Variants in LYRM4 observed in about 807,000 individuals in gnomAD.
LYRM4 encodes LYR motif containing 4, also known as LYR motif-containing protein 4.
Under a neutral mutation model 11.7 loss-of-function variants are expected in LYRM4, and 9 were observed. The ratio of observed to expected loss-of-function variants is 0.77; its 90% confidence interval spans 0.46 to 1.34. The LOEUF is 1.34. Ranked by LOEUF, LYRM4 falls within the 40% of genes most tolerant of loss-of-function variation. The pLI is 0.00. For missense variants in LYRM4, 133 were observed against 112.5 expected, an observed-to-expected ratio of 1.18 and a Z score of -0.82; for synonymous variants, 42 against 40.4, an observed-to-expected ratio of 1.04 and a Z score of -0.15.
At chr6:5,182,021 T>TC (rs960924688) in intron 2 of LYRM4, among the ~76,000 whole-genome samples, 2 of 151,638 alleles carry the variant, frequency 1.3e-5, no homozygotes, top group African/African-American at 2.4e-5. Context: ...AAAAAATACC[T>TC]CCCCCCCAAT....
At chr6:5,100,953 G>T (rs1269757967), downstream of LYRM4, among the ~76,000 whole-genome samples, 1 of 152,080 alleles carries the variant, frequency 6.6e-6, no homozygotes, top group African/African-American at 2.4e-5. Flanking sequence ...CACAGACACT[G>T]CCCCGTCCTC....
At chr6:5,063,739 C>G in the LYRM4 span, among the ~76,000 whole-genome samples, 1 of 152,156 alleles carries the variant, frequency 6.6e-6, no homozygotes, top group Non-Finnish European at 1.5e-5. Context: ...AGCCATCTCC[C>G]GGGAGCAGAC....
intron 2 of LYRM4, among the ~76,000 whole-genome samples, chr6:5,140,808 A>T (rs1757365650): frequency 6.6e-6 from 1 of 152,252 alleles, no homozygotes; most frequent in Non-Finnish European, 1.5e-5. Flanking sequence ...AAAAGAGGTA[A>T]CACGAACTGA....
At chr6:5,255,267 G>A (rs188251672) in intron 1 of LYRM4, among the ~76,000 whole-genome samples, 1 of 152,152 alleles carries the variant, frequency 6.6e-6, no homozygotes, top group African/African-American at 2.4e-5. Flanking sequence ...ATTCTCTCAT[G>A]AGTATACAGG....
chr6:5,251,853 AGGGCTGCCT>A (rs550469700), intron 1 of LYRM4, among the ~76,000 whole-genome samples: 152 of 152,336 alleles, frequency 1.0e-3, no homozygotes, highest in South Asian at 1.7e-3. Flanking sequence ...GATGAGTGAG[AGGGCTGCCT>A]GGTTCCCACT....
In LYRM4 at chr6:5,109,665, G is replaced by A. The variant is rs763642255; in HGVS notation, c.208-174C>T. 3.3e-5 allele frequency among the ~76,000 whole-genome samples: 5 copies of A among 152,098 alleles called. No individual in the cohort carries two copies. In the South Asian group the frequency reaches 6.2e-4, roughly 19 times the overall value. On this transcript the variant is annotated intron_variant, in intron 2 of 2. Transcript: ENST00000330636. ...GCCACTAGAGCACCATCCAACCCCC[G>A]TTTCCCTCACTGTGAGAAGTTACAG...
chr6:5,215,114 A>G (rs578218489), intron 2 of LYRM4, among the ~76,000 whole-genome samples: 2 of 151,666 alleles, frequency 1.3e-5, no homozygotes, highest in South Asian at 4.2e-4. Context: ...ATAGCGGGAG[A>G]AATGATGGCA....
chr6:5,259,956 G>T (rs1192957527), intron 1 of LYRM4, among the ~76,000 whole-genome samples: 1 of 152,168 alleles, frequency 6.6e-6, no homozygotes, highest in Non-Finnish European at 1.5e-5. Context: ...GCAAATAGGG[G>T]AGTGGGGAGG....
chr6:5,039,908 A>T, the LYRM4 span, among the ~76,000 whole-genome samples: 6 of 152,368 alleles, frequency 3.9e-5, no homozygotes, highest in East Asian at 1.2e-3. Flanking sequence ...AATAGAAAAT[A>T]GACCAATAGA....
chr6:5,089,813 G>A, the LYRM4 span, among the ~76,000 whole-genome samples: 1 of 152,144 alleles, frequency 6.6e-6, no homozygotes, highest in Non-Finnish European at 1.5e-5. Flanking sequence ...CCTTTCCAAA[G>A]CATTAGCACT....
At chr6:5,060,540 C>T in the LYRM4 span, among the ~76,000 whole-genome samples, 1 of 151,308 alleles carries the variant, frequency 6.6e-6, no homozygotes, top group Non-Finnish European at 1.5e-5. Context: ...CACTGTGTCA[C>T]CCAGGTTGGA....
intron 2 of LYRM4, among the ~76,000 whole-genome samples, chr6:5,191,915 G>A (rs1760777083): frequency 1.3e-5 from 2 of 152,100 alleles, no homozygotes; most frequent in African/African-American, 4.8e-5. Context: ...TGCCAAAAGT[G>A]CTTATTATGA....
intron 1 of LYRM4, among the ~76,000 whole-genome samples, chr6:5,248,933 GCAT>G (rs1244301949): frequency 6.6e-6 from 1 of 152,226 alleles, no homozygotes; most frequent in Non-Finnish European, 1.5e-5. Flanking sequence ...CATCAAACAA[GCAT>G]CATATCAAAG....
At chr6:5,106,141 C>T (rs958593213), downstream of LYRM4, 5 of 152,292 alleles carry the variant, frequency 3.3e-5, no homozygotes, top group Admixed American at 6.5e-5. Context: ...ACTCATATTT[C>T]CCTCTTTGTA....
chr6:5,105,087 A>G (rs1762622595), downstream of LYRM4: 1 of 152,212 alleles, frequency 6.6e-6, no homozygotes, highest in African/African-American at 2.4e-5. Context: ...ACATTAATAC[A>G]TTAATACAGA....
At chr6:5,181,655 C>T (rs574318533) in intron 2 of LYRM4, among the ~76,000 whole-genome samples, 1 of 152,232 alleles carries the variant, frequency 6.6e-6, no homozygotes, top group African/African-American at 2.4e-5. Flanking sequence ...CCATTCTTTC[C>T]CACGGGCCAT....
chr6:5,173,826 C>A (rs1227514707), intron 2 of LYRM4, among the ~76,000 whole-genome samples: 10 of 152,100 alleles, frequency 6.6e-5, no homozygotes, highest in Non-Finnish European at 1.5e-4. Flanking sequence ...TAAAATATAG[C>A]CGTAACCTGC....
intron 2 of LYRM4, among the ~76,000 whole-genome samples, chr6:5,118,930 CTTTTAATTCTGCCACCA>C (rs1763273580): frequency 6.6e-6 from 1 of 152,186 alleles, no homozygotes; most frequent in Non-Finnish European, 1.5e-5. Flanking sequence ...AACACTGCTA[CTTTTAATTCTGCCACCA>C]TTTTATGCAA....
chr6:5,091,711 G>C, the LYRM4 span, among the ~76,000 whole-genome samples: 1 of 152,204 alleles, frequency 6.6e-6, no homozygotes, highest in Non-Finnish European at 1.5e-5. Flanking sequence ...GTTGGTACTA[G>C]AGGAATCAAA....
Sources: gnomAD v4.1 joint callset for allele counts (sites outside exome capture counted in the v4.1 genomes callset) on GRCh38, gnomAD v4.1.1 for gene constraint, MANE v1.5 for transcripts, NCBI Gene and HGNC (gene_info 2026-07-23, HGNC 2026-07-21) for gene names.